Variants in RBPJ observed in about 807,000 individuals in gnomAD.
RBPJ encodes the protein recombining binding protein suppressor of hairless.
A neutral mutation model predicts 67.8 loss-of-function variants in RBPJ; 9 were observed. The ratio of observed to expected loss-of-function variants is 0.13; its 90% CI spans 0.08 to 0.23. The LOEUF is 0.23. RBPJ is among the 10% of genes least tolerant of loss of function. The pLI, the probability that RBPJ is intolerant of heterozygous loss-of-function variation, is 1.00. For synonymous variants in RBPJ, 198 were observed against 203.3 expected (o/e 0.97, Z 0.22); for missense variants, 305 against 595.6 (o/e 0.51, Z 5.08).
At chr4:26,192,725 A>G (rs536089441) in intron 1 of RBPJ, among the ~76,000 whole-genome samples, 9 of 152,208 alleles carry the variant, frequency 5.9e-5, no homozygotes, top group Non-Finnish European at 1.2e-4. Flanking sequence ...AGGTTTAACC[A>G]TCACCACACA....
In RBPJ at chr4:26,424,274, T is replaced by C; in HGVS notation, c.497-68T>C. The C allele has an allele frequency of 6.8e-7, 1 of 1,475,326 alleles. No individual in the cohort carries two copies. Among genetic ancestry groups the C allele is most frequent in the South Asian group, 1.2e-5 (1 of 83,400 alleles). The allele number at this position is 1,475,326 out of a possible 1,614,324, so 91.4% of individuals were successfully genotyped here. On this transcript the variant is annotated intron_variant, in intron 5 of 10. Transcript: ENST00000355476. The surrounding 1 kb of genome is among the most constrained non-coding windows in gnomAD (Gnocchi z 5.3). ...ATAATTATACACTGCCAAGCAGAAT[T>C]TCCTTCTTTTGCTCCCTCCCCACCT... is the stretch of plus-strand genomic sequence containing the variant.
chr4:26,195,883 C>T (rs1203354674), intron 1 of RBPJ, among the ~76,000 whole-genome samples: 12 of 152,260 alleles, frequency 7.9e-5, no homozygotes, highest in African/African-American at 2.4e-4. Context: ...CGTGAGCCAC[C>T]GCACCTGGCC....
intron 1 of RBPJ, among the ~76,000 whole-genome samples, chr4:26,254,713 T>C (rs1385611498): frequency 6.8e-6 from 1 of 147,482 alleles, no homozygotes; most frequent in Non-Finnish European, 1.5e-5. Context: ...AGTCACACCC[T>C]GTAACCCAGG....
chr4:26,271,401 G>A (rs2109264486), intron 1 of RBPJ, among the ~76,000 whole-genome samples: 1 of 152,274 alleles, frequency 6.6e-6, no homozygotes, highest in Non-Finnish European at 1.5e-5. Flanking sequence ...GGAGAGGGGA[G>A]GGGAGATGTA....
At chr4:26,224,696 T>C (rs1473874713) in intron 1 of RBPJ, among the ~76,000 whole-genome samples, 5 of 152,190 alleles carry the variant, frequency 3.3e-5, no homozygotes, top group Non-Finnish European at 7.3e-5. Context: ...CCAAGTAACA[T>C]GAGCTTCTAC....
chr4:26,349,474 AT>A (rs1726575940), intron 1 of RBPJ, among the ~76,000 whole-genome samples: 1 of 152,182 alleles, frequency 6.6e-6, no homozygotes, highest in African/African-American at 2.4e-5. Flanking sequence ...CGATAGAGTC[AT>A]TCAAAGGACT....
chr4:26,297,512 G>T (rs188197215), intron 1 of RBPJ, among the ~76,000 whole-genome samples: 2 of 152,114 alleles, frequency 1.3e-5, no homozygotes, highest in Non-Finnish European at 2.9e-5. Flanking sequence ...ACGTGTTATT[G>T]TGTTTCTGTG....
At chr4:26,232,666 T>C (rs1719330042) in intron 1 of RBPJ, among the ~76,000 whole-genome samples, 1 of 152,218 alleles carries the variant, frequency 6.6e-6, no homozygotes, top group Non-Finnish European at 1.5e-5. Flanking sequence ...ACGATAATAA[T>C]AATCATTTAC....
chr4:26,324,166 A>G (rs1413036589), intron 1 of RBPJ, among the ~76,000 whole-genome samples: 1 of 152,194 alleles, frequency 6.6e-6, no homozygotes, highest in Non-Finnish European at 1.5e-5. Flanking sequence ...ACTGTGGGGA[A>G]GGTCTAGGAA....
chr4:26,213,320 A>G (rs890193315), intron 1 of RBPJ, among the ~76,000 whole-genome samples: 16 of 152,192 alleles, frequency 1.1e-4, no homozygotes, highest in African/African-American at 3.1e-4. Flanking sequence ...AAATCCCCCA[A>G]ATTTCACACC....
intron 7 of RBPJ, among the ~76,000 whole-genome samples, chr4:26,425,489 G>T (rs951233592): frequency 6.6e-6 from 1 of 151,972 alleles, no homozygotes; most frequent in African/African-American, 2.4e-5. Flanking sequence ...GCATGGTGGT[G>T]CACACCTGTA....
chr4:26,257,428 G>A (rs1355628986), intron 1 of RBPJ, among the ~76,000 whole-genome samples: 1 of 152,246 alleles, frequency 6.6e-6, no homozygotes, highest in Non-Finnish European at 1.5e-5. Context: ...TTGGAAGTTT[G>A]AGACAAGCCT....
At chr4:26,413,513 T>C (rs1734247563) in intron 3 of RBPJ, among the ~76,000 whole-genome samples, 1 of 152,242 alleles carries the variant, frequency 6.6e-6, no homozygotes. Flanking sequence ...TTTACTGCTA[T>C]ATCCCCAGTA....
intron 1 of RBPJ, among the ~76,000 whole-genome samples, chr4:26,267,828 G>C (rs1054352034): frequency 6.6e-6 from 1 of 151,908 alleles, no homozygotes; most frequent in Non-Finnish European, 1.5e-5. Context: ...GGCTAGTCTT[G>C]AACTCCTGAC....
At chr4:26,334,737 C>T (rs10009355) in intron 1 of RBPJ, among the ~76,000 whole-genome samples, 20,029 of 152,146 alleles carry the variant, frequency 0.13, 1,710 homozygotes, top group East Asian at 0.3. Flanking sequence ...GACCCCCAAA[C>T]CTCATTTCAG....
At chr4:26,224,188 T>C (rs1560218250) in intron 1 of RBPJ, among the ~76,000 whole-genome samples, 1 of 151,800 alleles carries the variant, frequency 6.6e-6, no homozygotes, top group Non-Finnish European at 1.5e-5. Flanking sequence ...CCCTTCCCCC[T>C]GTACTCCCAT....
intron 1 of RBPJ, among the ~76,000 whole-genome samples, chr4:26,335,176 C>A (rs921050167): frequency 6.6e-6 from 1 of 151,764 alleles, no homozygotes; most frequent in Non-Finnish European, 1.5e-5. Context: ...TTCTTATTTT[C>A]TTATTATTAT....
chr4:26,259,274 C>T (rs961875479), intron 1 of RBPJ, among the ~76,000 whole-genome samples: 1 of 152,156 alleles, frequency 6.6e-6, no homozygotes, highest in Non-Finnish European at 1.5e-5. Flanking sequence ...ATGAAGCTTT[C>T]CTGGGCATTT....
chr4:26,182,202 C>T (rs1346501191), intron 1 of RBPJ, among the ~76,000 whole-genome samples: 2 of 151,900 alleles, frequency 1.3e-5, no homozygotes, highest in Admixed American at 6.6e-5. Context: ...ATTAGCCGGG[C>T]GCCGTGGCGG....
Sources: gnomAD v4.1 joint callset for allele counts (sites outside exome capture counted in the v4.1 genomes callset) on GRCh38, gnomAD v4.1.1 for gene constraint, Gnocchi (gnomAD v3.1) non-coding constraint, MANE v1.5 for transcripts, NCBI Gene and HGNC (gene_info 2026-07-23, HGNC 2026-07-21) for gene names.